Variants in PTPRD observed in about 807,000 individuals in gnomAD.
PTPRD encodes protein tyrosine phosphatase receptor type D.
A neutral mutation model predicts 214.5 loss-of-function variants in PTPRD; 34 were observed. The ratio of observed to expected loss-of-function variants is 0.16; its 90% CI spans 0.12 to 0.21. PTPRD has a LOEUF of 0.21. Ranked by LOEUF, PTPRD falls within the 10% of genes least tolerant of loss-of-function variation. The probability of loss-of-function intolerance (pLI) is 1.00; values close to 1 mark genes in which losing one functional copy is unlikely to be tolerated. For synonymous variants in PTPRD, 1,128 were observed against 845.7 expected (o/e 1.33, Z -5.79); for missense variants, 2,545 against 2,398.7 (o/e 1.06, Z -1.27).
At chr9:8,647,623 T>G (rs901765208) in intron 12 of PTPRD, among the ~76,000 whole-genome samples, 1 of 152,190 alleles carries the variant, frequency 6.6e-6, no homozygotes, top group Non-Finnish European at 1.5e-5. Flanking sequence ...TATATGTAAT[T>G]CCTATATGTG....
chr9:9,982,856 C>A (rs1299099813), intron 4 of PTPRD, among the ~76,000 whole-genome samples: 1 of 152,112 alleles, frequency 6.6e-6, no homozygotes, highest in Non-Finnish European at 1.5e-5. Context: ...CATTCAGCTT[C>A]CTCACAAATC....
intron 2 of PTPRD, among the ~76,000 whole-genome samples, chr9:10,529,806 A>G (rs2134603848): frequency 6.6e-6 from 1 of 151,986 alleles, no homozygotes; most frequent in South Asian, 2.1e-4. Context: ...ACACAGAAAC[A>G]CAAAACCAAA....
chr9:9,402,987 A>AC (rs2071400037), intron 8 of PTPRD, among the ~76,000 whole-genome samples: 1 of 146,802 alleles, frequency 6.8e-6, no homozygotes, highest in Non-Finnish European at 1.5e-5. Flanking sequence ...AAAAAAAAAA[A>AC]AACACCAAAA....
rs141782338 is a variant in PTPRD, at chr9:10,257,437, A to C, written c.-545+83526T>G. Among the ~76,000 whole-genome samples the C allele has an allele frequency of 7.5e-4, 114 of 152,302 alleles. 1 individual carries two copies. The East Asian group carries it at 0.016, about 22-fold the overall frequency. ...GCAAAATTGCTAGGCAAAGAGTCAA[A>C]ATCACCATCAGAGAGAAAAATTCAT... On this transcript the variant is annotated intron_variant, in intron 3 of 45. Coordinates refer to ENST00000381196, the MANE Select transcript of PTPRD (RefSeq NM_002839.4).
At chr9:10,345,511 C>A (rs186648187) in intron 2 of PTPRD, among the ~76,000 whole-genome samples, 1 of 150,736 alleles carries the variant, frequency 6.6e-6, no homozygotes, top group Non-Finnish European at 1.5e-5. Context: ...TGAGAACATG[C>A]GGTGTTTGGT....
intron 2 of PTPRD, among the ~76,000 whole-genome samples, chr9:10,509,849 T>C (rs1351999829): frequency 2.6e-5 from 4 of 151,962 alleles, no homozygotes; most frequent in South Asian, 2.1e-4. Context: ...CTCATATATA[T>C]ACAGGTATAT....
intron 8 of PTPRD, among the ~76,000 whole-genome samples, chr9:9,426,821 T>A (rs2081137418): frequency 1.3e-5 from 2 of 152,014 alleles, no homozygotes; most frequent in African/African-American, 2.4e-5. Context: ...TCCAGCAAAC[T>A]CTAACAGACC....
chr9:9,155,819 A>G (rs1369026684), intron 10 of PTPRD, among the ~76,000 whole-genome samples: 1 of 152,156 alleles, frequency 6.6e-6, no homozygotes, highest in Non-Finnish European at 1.5e-5. Flanking sequence ...TTATCTTAGT[A>G]ATTATAATTT....
chr9:8,677,060 T>C (rs1451420704), intron 12 of PTPRD, among the ~76,000 whole-genome samples: 1 of 152,222 alleles, frequency 6.6e-6, no homozygotes, highest in African/African-American at 2.4e-5. Flanking sequence ...AACGGCATTT[T>C]TAAATGGCTT....
intron 11 of PTPRD, among the ~76,000 whole-genome samples, chr9:8,820,797 G>C (rs1449816048): frequency 2.0e-5 from 3 of 152,072 alleles, no homozygotes; most frequent in Non-Finnish European, 4.4e-5. Context: ...AAAGAGTAGA[G>C]TCACAGAATA....
chr9:8,705,545 A>G (rs1202186962), intron 12 of PTPRD, among the ~76,000 whole-genome samples: 1 of 152,224 alleles, frequency 6.6e-6, no homozygotes, highest in African/African-American at 2.4e-5. Flanking sequence ...ATCATTTTCC[A>G]TTTCTAAACC....
At chr9:8,535,468 CA>C (rs1422276737) in intron 14 of PTPRD, among the ~76,000 whole-genome samples, 1 of 151,858 alleles carries the variant, frequency 6.6e-6, no homozygotes, top group East Asian at 1.9e-4. Context: ...TCCATATTGT[CA>C]GATGATTTGT....
intron 4 of PTPRD, among the ~76,000 whole-genome samples, chr9:9,947,174 G>A (rs2092678466): frequency 6.8e-6 from 1 of 146,874 alleles, no homozygotes; most frequent in African/African-American, 2.5e-5. Context: ...AGTACAATGA[G>A]TAGTTCAGCT....
intron 3 of PTPRD, among the ~76,000 whole-genome samples, chr9:10,107,948 A>G (rs778444943): frequency 6.6e-6 from 1 of 152,092 alleles, no homozygotes; most frequent in Non-Finnish European, 1.5e-5. Flanking sequence ...TGTAAAAGTC[A>G]TTGGTTCTGA....
chr9:9,271,344 A>G (rs1403182030), intron 9 of PTPRD, among the ~76,000 whole-genome samples: 2 of 151,144 alleles, frequency 1.3e-5, no homozygotes, highest in Non-Finnish European at 3.0e-5. Flanking sequence ...TAATTTGGAA[A>G]AGTACGTTCA....
intron 3 of PTPRD, among the ~76,000 whole-genome samples, chr9:10,209,868 G>C (rs964736098): frequency 2.6e-5 from 4 of 152,014 alleles, no homozygotes; most frequent in African/African-American, 9.7e-5. Flanking sequence ...CCATATATGA[G>C]AACATTAAAG....
intron 8 of PTPRD, among the ~76,000 whole-genome samples, chr9:9,547,817 C>A (rs1177347422): frequency 1.3e-5 from 2 of 151,634 alleles, no homozygotes; most frequent in East Asian, 3.9e-4. Context: ...CACACACACA[C>A]ACACACATCA....
chr9:10,342,807 T>G (rs1198522226), intron 2 of PTPRD, among the ~76,000 whole-genome samples: 1 of 152,112 alleles, frequency 6.6e-6, no homozygotes, highest in Non-Finnish European at 1.5e-5. Context: ...ATAATGTGCT[T>G]GTGTGTTTTC....
At chr9:9,889,884 G>T (rs1214227229) in intron 5 of PTPRD, among the ~76,000 whole-genome samples, 1 of 151,766 alleles carries the variant, frequency 6.6e-6, no homozygotes, top group Non-Finnish European at 1.5e-5. Context: ...TTCTCCAGTG[G>T]CCACTGCCAG....
Sources: allele counts gnomAD v4.1 joint callset (sites outside exome capture counted in the v4.1 genomes callset), GRCh38; gene constraint gnomAD v4.1.1; transcripts MANE v1.5; gene names NCBI Gene and HGNC (gene_info 2026-07-23, HGNC 2026-07-21).